The following HDAC6 variants were observed in gnomAD, a reference collection of about 807,000 sequenced individuals.
The protein encoded by HDAC6 is protein deacetylase HDAC6.
A neutral mutation model predicts 88.9 loss-of-function variants in HDAC6; 5 were observed. That is an observed-to-expected ratio of 0.06 (90% CI 0.03 to 0.12). The LOEUF is 0.12. Ranked by LOEUF, HDAC6 falls within the 10% of genes least tolerant of loss-of-function variation. The probability of loss-of-function intolerance (pLI) is 1.00; values close to 1 mark genes in which losing one functional copy is unlikely to be tolerated. For missense variants in HDAC6, 706 were observed against 1,014.4 expected (o/e 0.70, Z 4.13); for synonymous variants, 378 against 398.0 (o/e 0.95, Z 0.60).
chrX:48,818,304 G>T lies in HDAC6; in HGVS notation c.2079G>T (p.Arg693=). The change falls in exon 22 of 29, where the codon CGG becomes CGT. Residue 693 remains arginine, a synonymous_variant. Transcript: ENST00000334136. ...GDEGASSQIG[R]AAGTGFTVNV... ...AGGGTGCCAGCAGCCAGATCGGCCG[G>T]GCTGCGGGCACAGGCTTCACCGTCA... is the stretch of plus-strand genomic sequence containing the variant. 1 of 1,205,534 alleles carries T rather than the reference G, an allele frequency of 8.3e-7. No individual in the cohort carries two copies. Among genetic ancestry groups the T allele is most frequent in the Non-Finnish European group, 1.1e-6 (1 of 892,276 alleles).
At chrX:48,807,994 C>A (rs1194644782) in intron 8 of HDAC6, 39 bp from the exon 9 acceptor site, 1 of 980,140 alleles carries the variant, frequency 1.0e-6, no homozygotes, top group African/African-American at 1.9e-5. Context: ...AGGAGGACCC[C>A]TCACATACTC....
At chrX:48,820,562 G>A in intron 23 of HDAC6, among the ~76,000 whole-genome samples, 1 of 111,684 alleles carries the variant, frequency 9.0e-6, no homozygotes, top group South Asian at 3.7e-4. Context: ...GGCACAAAGA[G>A]GTGTGATGAC....
At position 48,802,921 on chromosome X, in the gene HDAC6, G is replaced by A. The variant is rs139773351; in HGVS notation, c.144G>A (p.Ala48=). 4.1e-6 allele frequency: 5 copies of A among 1,207,449 alleles called. No individual in the cohort carries two copies. The African/African-American group carries it at 7.0e-5, about 17-fold the overall frequency. The change falls in exon 3 of 29, where the codon GCG becomes GCA. Residue 48 remains alanine (A), a synonymous_variant. Coordinates refer to ENST00000334136, the MANE Select transcript of HDAC6 (RefSeq NM_006044.4). ...TTCCCCGCTCTATCCCCAATCTAGC[G>A]GAGGTAAAGAAGAAAGGCAAAATGA... ...GAVPRSIPNL[A]EVKKKGKMKK...
chrX:48,823,303 G>C lies in HDAC6; in HGVS notation c.2904G>C (p.Glu968Asp). The change falls in exon 25 of 29, where the codon GAG becomes GAC. Residue 968 changes from glutamate to aspartate, a missense_variant. By Grantham distance (45) the Glu-to-Asp change is conservative. Coordinates refer to ENST00000334136, the MANE Select transcript of HDAC6 (RefSeq NM_006044.4). The part of the protein sequence containing the change: ...GGAILDQTTS[E>D]DAVGGATLGQ... ...CCATTCTGGACCAGACCACCTCAGA[G>C]GATGCTGTTGGGGGAGCCACGCTGG... 8.3e-7 allele frequency: 1 copy of C among 1,202,239 alleles called. No homozygotes were observed. Among genetic ancestry groups the C allele is most frequent in the Non-Finnish European group, 1.1e-6 (1 of 890,424 alleles).
intron 10 of HDAC6, among the ~76,000 whole-genome samples, chrX:48,812,081 G>A: frequency 8.9e-6 from 1 of 111,915 alleles, no homozygotes. Flanking sequence ...ATCTGCCAAG[G>A]GTCTGTCATT....
chrX:48,817,192 C>T, intron 19 of HDAC6, 134 bp from the exon 20 acceptor site: 1 of 718,826 alleles, frequency 1.4e-6, no homozygotes, highest in Non-Finnish European at 1.9e-6. Context: ...GCGGCGCTTG[C>T]AGTGAGCCGA....
At chrX:48,806,862 G>GAC (rs2062827124) in intron 8 of HDAC6, 156 bp downstream of exon 8, 1 of 395,369 alleles carries the variant, frequency 2.5e-6, no homozygotes, top group Admixed American at 4.8e-5. Context: ...TTGTCACCCA[G>GAC]ACACCTGCCT....
chrX:48,805,323 C>A, intron 4 of HDAC6, 115 bp from the exon 5 acceptor site: 1 of 529,004 alleles, frequency 1.9e-6, no homozygotes, highest in Admixed American at 3.0e-5. Context: ...GCAGGACTGA[C>A]ACCACAGTTT....
intron 20 of HDAC6, 57 bp from the exon 21 acceptor site, chrX:48,817,984 C>G: frequency 5.6e-6 from 6 of 1,073,984 alleles, no homozygotes; most frequent in Non-Finnish European, 3.8e-6. Flanking sequence ...GGGTCTAGCC[C>G]AGCCCTCTTC....
At position 48,816,130 on chromosome X, in the gene HDAC6, C is replaced by T; in HGVS notation, c.1494-11C>T. ...GCACTAAGCCTCTACCTCTCGTTTC[C>T]CCACTGCTAGCCACCACCCTGAGGT... On this transcript the variant is annotated splice_polypyrimidine_tract_variant and intron_variant, in intron 17 of 28. Coordinates refer to ENST00000334136, the MANE Select transcript of HDAC6 (RefSeq NM_006044.4). 8.3e-7 allele frequency: 1 copy of T among 1,211,309 alleles called. No individual in the cohort carries two copies. Among genetic ancestry groups the T allele is most frequent in the Non-Finnish European group, 1.1e-6 (1 of 895,326 alleles).
At chrX:48,815,315 C>A (rs1557027173) in intron 14 of HDAC6, 69 bp from the exon 15 acceptor site, 2 of 796,869 alleles carry the variant, frequency 2.5e-6, no homozygotes, top group African/African-American at 2.0e-5. Flanking sequence ...CTCTTATTAT[C>A]ATCATTATTA....
intron 23 of HDAC6, among the ~76,000 whole-genome samples, chrX:48,822,299 G>A (rs147198199): frequency 0.014 from 1,553 of 112,232 alleles, 12 homozygotes; most frequent in Middle Eastern, 0.046. Flanking sequence ...CTGTGGTTGT[G>A]AGGATTGAGT....
At position 48,822,929 on chromosome X, in the gene HDAC6, G is replaced by A. The variant is rs199513877; in HGVS notation, c.2530G>A (p.Gly844Arg). ...GGTTCCAGAGGTAGAAGACAGAGAA[G>A]GACCCTCCAGTTCTAAGTTGGTCAC... ...LRVMKVEDREGPSSSKLVTKK... is the reference protein window; with the variant it reads ...LRVMKVEDRERPSSSKLVTKK... Residue 844 changes from glycine to arginine, a missense_variant, in exon 25 of 29, where the codon GGA becomes AGA. This residue lies in a region of HDAC6 where 138 missense variants were observed against 303.5 expected (regional missense o/e 0.45). Transcript: ENST00000334136. The A allele has an allele frequency of 1.6e-5, 19 of 1,187,921 alleles. No individual in the cohort carries two copies. The Middle Eastern group carries it at 7.1e-4, about 44-fold the overall frequency.
intron 23 of HDAC6, among the ~76,000 whole-genome samples, chrX:48,820,641 T>A (rs980652950): frequency 5.4e-5 from 6 of 111,559 alleles, no homozygotes; most frequent in African/African-American, 2.0e-4. Context: ...GCTCCAGGGT[T>A]TGTGCTTTTT....
Position 48,816,201 on chromosome X carries a change from C to T in HDAC6, c.1554C>T (p.Gly518=). The T allele has an allele frequency of 1.7e-6, 2 of 1,211,071 alleles. No homozygotes were observed. The highest frequency in any genetic ancestry group is 2.2e-6 in the Non-Finnish European group (2 of 895,396). The part of the protein sequence containing the change: ...LRIMCRLEEL[G]LAGRCLTLTP... ...TCATGTGCCGTCTGGAGGAGCTGGG[C>T]CTTGCCGGGCGCTGCCTCACCCTGA... The change falls in exon 18 of 29, where the codon GGC becomes GGT. Residue 518 remains glycine, a synonymous_variant. Coordinates refer to ENST00000334136, the MANE Select transcript of HDAC6 (RefSeq NM_006044.4).
chrX:48,808,367 C>T (rs782125064), intron 10 of HDAC6, 41 bp downstream of exon 10: 2 of 1,028,559 alleles, frequency 1.9e-6, no homozygotes, highest in South Asian at 4.1e-5. Flanking sequence ...CTCCCAGCCA[C>T]CTCCCACCCT....
At chrX:48,820,321 C>T in intron 23 of HDAC6, 66 bp downstream of exon 23, 1 of 987,109 alleles carries the variant, frequency 1.0e-6, no homozygotes, top group Non-Finnish European at 1.4e-6. Flanking sequence ...CACCATCACT[C>T]AGGACAGTTT....
chrX:48,812,625 T>A (rs2062919996), intron 10 of HDAC6, among the ~76,000 whole-genome samples: 1 of 112,252 alleles, frequency 8.9e-6, no homozygotes. Context: ...TCTCTTATTC[T>A]CTGACATCCT....
At chrX:48,813,022 C>T (rs1293837066) in intron 10 of HDAC6, among the ~76,000 whole-genome samples, 1 of 111,877 alleles carries the variant, frequency 8.9e-6, no homozygotes, top group Non-Finnish European at 1.9e-5. Context: ...ATTCTCCTAC[C>T]TCCACCTCCC....
Sources: allele counts gnomAD v4.1 joint callset (sites outside exome capture counted in the v4.1 genomes callset), GRCh38; gene constraint gnomAD v4.1.1; regional missense constraint gnomAD v4.1.1; transcripts MANE v1.5; gene names NCBI Gene and HGNC (gene_info 2026-07-23, HGNC 2026-07-21).